ST8SIA4: variants seen among roughly 807,000 people sequenced by gnomAD.
ST8SIA4 encodes ST8 alpha-N-acetyl-neuraminide alpha-2,8-sialyltransferase 4.
In ST8SIA4, 15 loss-of-function variants were observed where a neutral mutation model predicts 33.9. That is an observed-to-expected ratio of 0.44 (90% CI 0.30 to 0.68). ST8SIA4 has a LOEUF of 0.68. Ranked by LOEUF, ST8SIA4 falls within the 30% of genes least tolerant of loss-of-function variation. ST8SIA4 has a pLI of 0.10. For missense variants in ST8SIA4, 321 were observed against 428.0 expected, an observed-to-expected ratio of 0.75 and a Z score of 2.21; for synonymous variants, 171 against 151.2, an observed-to-expected ratio of 1.13 and a Z score of -0.96.
intron 4 of ST8SIA4, among the ~76,000 whole-genome samples, chr5:100,844,141 A>C (rs1403525275): frequency 6.6e-6 from 1 of 151,922 alleles, no homozygotes; most frequent in South Asian, 2.1e-4. Context: ...TTAAGAACTG[A>C]GCAAATACTT....
At chr5:100,900,739 A>T (rs1330353062) in intron 1 of ST8SIA4, among the ~76,000 whole-genome samples, 1 of 103,060 alleles carries the variant, frequency 9.7e-6, no homozygotes, top group East Asian at 3.4e-4. Context: ...TTGCCGACTG[A>T]GCTTTGAAAG....
chr5:100,821,948 G>A (rs1751040553), intron 4 of ST8SIA4, among the ~76,000 whole-genome samples: 1 of 152,148 alleles, frequency 6.6e-6, no homozygotes, highest in Non-Finnish European at 1.5e-5. Context: ...GAGCATATAA[G>A]AAAGGGAACT....
chr5:100,862,591 G>A (rs894956471), intron 3 of ST8SIA4, among the ~76,000 whole-genome samples: 7 of 151,666 alleles, frequency 4.6e-5, no homozygotes, highest in African/African-American at 1.5e-4. Context: ...TAGTAGAGAC[G>A]GGGTTTCACT....
chr5:100,828,449 A>G (rs1163598456), intron 4 of ST8SIA4, among the ~76,000 whole-genome samples: 1 of 152,204 alleles, frequency 6.6e-6, no homozygotes, highest in African/African-American at 2.4e-5. Flanking sequence ...TGAGACCTCA[A>G]AAAGCAATAC....
At chr5:100,901,716 T>C (rs1449353868) in intron 1 of ST8SIA4, among the ~76,000 whole-genome samples, 1 of 152,194 alleles carries the variant, frequency 6.6e-6, no homozygotes, top group Non-Finnish European at 1.5e-5. Context: ...TTCTACAGAA[T>C]AGCAAGTCCT....
chr5:100,840,388 T>A (rs2112423376), intron 4 of ST8SIA4, among the ~76,000 whole-genome samples: 1 of 151,940 alleles, frequency 6.6e-6, no homozygotes, highest in African/African-American at 2.4e-5. Context: ...TAGAGTTTTT[T>A]TTTAGGGTAC....
At chr5:100,845,347 G>A (rs1390639951) in intron 4 of ST8SIA4, among the ~76,000 whole-genome samples, 3 of 151,612 alleles carry the variant, frequency 2.0e-5, no homozygotes, top group Non-Finnish European at 4.4e-5. Flanking sequence ...ATTTATATTT[G>A]CATTTAACTT....
chr5:100,877,494 T>C (rs1295344578), intron 3 of ST8SIA4, among the ~76,000 whole-genome samples: 1 of 151,738 alleles, frequency 6.6e-6, no homozygotes, highest in Non-Finnish European at 1.5e-5. Flanking sequence ...AGAACAAGAG[T>C]TGTAAGGAAG....
chr5:100,902,747 A>G (rs1752948724), intron 1 of ST8SIA4, 96 bp downstream of exon 1: 1 of 1,069,032 alleles, frequency 9.4e-7, no homozygotes, highest in Non-Finnish European at 1.4e-6. Context: ...TCAAACAAAC[A>G]CACATGCTAT....
At chr5:100,851,771 A>C (rs139339592) in intron 4 of ST8SIA4, among the ~76,000 whole-genome samples, 1 of 152,084 alleles carries the variant, frequency 6.6e-6, no homozygotes, top group African/African-American at 2.4e-5. Flanking sequence ...TTTTTTTCCC[A>C]TATTAAAAGT....
chr5:100,829,780 C>T (rs28413976), intron 4 of ST8SIA4, among the ~76,000 whole-genome samples: 2,553 of 151,758 alleles, frequency 0.017, 29 homozygotes, highest in Admixed American at 0.025. Context: ...TGGTGGTGGG[C>T]GCCTGCAGTC....
At chr5:100,900,965 G>C (rs1232769791) in intron 1 of ST8SIA4, among the ~76,000 whole-genome samples, 1 of 152,178 alleles carries the variant, frequency 6.6e-6, no homozygotes, top group African/African-American at 2.4e-5. Context: ...GTCAAGCTGG[G>C]AGGAAACTGC....
At chr5:100,825,824 G>A (rs1751131030) in intron 4 of ST8SIA4, among the ~76,000 whole-genome samples, 1 of 152,132 alleles carries the variant, frequency 6.6e-6, no homozygotes, top group Admixed American at 6.5e-5. Flanking sequence ...CCTGTAGCTT[G>A]TAGAGAGATT....
intron 1 of ST8SIA4, 77 bp downstream of exon 1, chr5:100,902,763 CCAT>C (rs1427173667): frequency 8.3e-7 from 1 of 1,202,050 alleles, no homozygotes; most frequent in East Asian, 2.4e-5. Context: ...GCTATCCTAA[CCAT>C]CACTCTACCC....
At chr5:100,902,369 G>GC (rs578246379) in intron 1 of ST8SIA4, among the ~76,000 whole-genome samples, 2 of 145,620 alleles carry the variant, frequency 1.4e-5, no homozygotes, top group South Asian at 2.2e-4. Context: ...ACGTCAAATA[G>GC]AAAAAAAAAA....
chr5:100,858,072 A>C (rs1021293090), intron 3 of ST8SIA4, among the ~76,000 whole-genome samples: 2 of 152,056 alleles, frequency 1.3e-5, no homozygotes, highest in Non-Finnish European at 2.9e-5. Context: ...AATACTTGTC[A>C]AAGTGAACAC....
chr5:100,842,290 A>G (rs181467402), intron 4 of ST8SIA4, among the ~76,000 whole-genome samples: 8 of 151,996 alleles, frequency 5.3e-5, no homozygotes, highest in Non-Finnish European at 5.9e-5. Flanking sequence ...GAGAAAACAG[A>G]AAGAGGAAAT....
chr5:100,850,801 CA>C (rs1561394081), intron 4 of ST8SIA4, among the ~76,000 whole-genome samples: 1 of 149,832 alleles, frequency 6.7e-6, no homozygotes, highest in Non-Finnish European at 1.5e-5. Flanking sequence ...ATATATATAA[CA>C]TGTGTGTGTA....
intron 4 of ST8SIA4, among the ~76,000 whole-genome samples, chr5:100,832,008 G>C (rs1048345184): frequency 6.6e-5 from 10 of 151,800 alleles, no homozygotes; most frequent in Admixed American, 5.9e-4. Flanking sequence ...ATATTTAGAA[G>C]GAAGGAACTT....
Sources: allele counts gnomAD v4.1 joint callset (sites outside exome capture counted in the v4.1 genomes callset), GRCh38; gene constraint gnomAD v4.1.1; transcripts MANE v1.5; gene names NCBI Gene and HGNC (gene_info 2026-07-23, HGNC 2026-07-21).